Variants in ARHGEF4 observed in about 807,000 individuals in gnomAD.
ARHGEF4 encodes the protein APC-stimulated guanine nucleotide exchange factor 1.
Under a neutral mutation model 162.0 loss-of-function variants are expected in ARHGEF4, and 119 were observed. The observed-to-expected ratio is 0.73, with a 90% CI of 0.63 to 0.86. The LOEUF is 0.86. ARHGEF4 is among the 40% of genes least tolerant of loss of function. The pLI, the probability that ARHGEF4 is intolerant of heterozygous loss-of-function variation, is 0.00. For missense variants in ARHGEF4, 2,488 were observed against 2,456.0 expected, an observed-to-expected ratio of 1.01 and a Z score of -0.28; for synonymous variants, 1,014 against 979.9, an observed-to-expected ratio of 1.03 and a Z score of -0.65.
intron 1 of ARHGEF4, among the ~76,000 whole-genome samples, chr2:130,872,889 G>T (rs1678581846): frequency 6.6e-6 from 1 of 152,182 alleles, no homozygotes; most frequent in Admixed American, 6.5e-5. Flanking sequence ...CCTGAGCCCT[G>T]CCTGCAGCTG....
intron 1 of ARHGEF4, among the ~76,000 whole-genome samples, chr2:130,840,048 TG>T (rs1252283858): frequency 6.6e-6 from 1 of 152,086 alleles, no homozygotes; most frequent in African/African-American, 2.4e-5. Flanking sequence ...CTGTGCCCCA[TG>T]ACAGGGAAGC....
chr2:130,854,605 G>C (rs1681629000), intron 1 of ARHGEF4, among the ~76,000 whole-genome samples: 1 of 152,188 alleles, frequency 6.6e-6, no homozygotes, highest in Non-Finnish European at 1.5e-5. Flanking sequence ...TAGGGTGGAG[G>C]CCTGCTCCAA....
At chr2:131,039,674 C>G in intron 6 of ARHGEF4, 2 of 1,217,654 alleles carry the variant, frequency 1.6e-6, no homozygotes, top group Non-Finnish European at 2.0e-6. Context: ...GGCGCGCCAC[C>G]CATCCCCCTG....
intron 4 of ARHGEF4, among the ~76,000 whole-genome samples, chr2:130,991,778 C>G (rs571078218): frequency 6.6e-5 from 10 of 152,368 alleles, no homozygotes; most frequent in African/African-American, 1.9e-4. Context: ...AGCGCCACCC[C>G]GTGCTCCACA....
At chr2:130,921,535 T>C (rs1559041414) in intron 2 of ARHGEF4, among the ~76,000 whole-genome samples, 1 of 152,208 alleles carries the variant, frequency 6.6e-6, no homozygotes, top group African/African-American at 2.4e-5. Flanking sequence ...TGCATCAAAT[T>C]ACACTCTCTC....
intron 3 of ARHGEF4, among the ~76,000 whole-genome samples, chr2:130,934,673 C>T (rs1440392656): frequency 6.6e-6 from 1 of 152,054 alleles, no homozygotes; most frequent in Non-Finnish European, 1.5e-5. Context: ...CTCCTGAGTA[C>T]CTGGGACTCC....
At chr2:130,969,857 T>C (rs2105216670) in intron 4 of ARHGEF4, among the ~76,000 whole-genome samples, 1 of 152,310 alleles carries the variant, frequency 6.6e-6, no homozygotes, top group Middle Eastern at 3.4e-3. Context: ...GGGATTTGTC[T>C]CTTCCATGAT....
intron 1 of ARHGEF4, among the ~76,000 whole-genome samples, chr2:130,905,838 A>T (rs1178010658): frequency 6.6e-6 from 1 of 152,248 alleles, no homozygotes; most frequent in Non-Finnish European, 1.5e-5. Context: ...TGTACAGGAA[A>T]TATCATAGTG....
chr2:130,893,593 T>A (rs1372187352), intron 1 of ARHGEF4, among the ~76,000 whole-genome samples: 1 of 152,166 alleles, frequency 6.6e-6, no homozygotes, highest in East Asian at 1.9e-4. Flanking sequence ...TGAGGTGGTC[T>A]GAGCTGCTCC....
Position 130,946,622 on chromosome 2 carries a change from C to G in ARHGEF4, c.3972C>G (p.His1324Gln), listed in dbSNP as rs760006336. 6.2e-7 allele frequency: 1 copy of G among 1,614,062 alleles called. No homozygotes were observed. The highest frequency in any genetic ancestry group is 1.6e-4 in the Middle Eastern group (1 of 6,062). The change falls in exon 4 of 14, where the codon CAC becomes CAG. Residue 1324 changes from histidine to glutamine, a missense_variant. Physicochemically the swap from His to Gln is conservative, Grantham distance 24 (BLOSUM62 0). This residue lies in a region of ARHGEF4 where 1,642 missense variants were observed against 1,481.5 expected (regional missense o/e 1.11). Coordinates refer to ENST00000409359, the MANE Select transcript of ARHGEF4 (RefSeq NM_001367493.1). ...TGAACCACATGGGCTGGCCAGAGCA[C>G]ACACCAGGCACTGGTGAGTTACGCG... ...TGLNHMGWPE[H>Q]TPGTAMPDGA...
intron 1 of ARHGEF4, among the ~76,000 whole-genome samples, chr2:130,888,716 A>C (rs1011408679): frequency 6.6e-6 from 1 of 152,142 alleles, no homozygotes; most frequent in Non-Finnish European, 1.5e-5. Context: ...TTTCTAGCTT[A>C]ACTGCATTGG....
chr2:130,962,418 T>G (rs1684681687), intron 4 of ARHGEF4, among the ~76,000 whole-genome samples: 1 of 152,078 alleles, frequency 6.6e-6, no homozygotes, highest in Non-Finnish European at 1.5e-5. Flanking sequence ...ACCTTAAGCA[T>G]GTATGGAGCT....
intron 1 of ARHGEF4, among the ~76,000 whole-genome samples, chr2:130,905,760 CTAGT>C (rs1680776873): frequency 6.6e-6 from 1 of 152,218 alleles, no homozygotes; most frequent in African/African-American, 2.4e-5. Flanking sequence ...CTTTTTATCA[CTAGT>C]TATTTTATTA....
intron 1 of ARHGEF4, among the ~76,000 whole-genome samples, chr2:130,912,487 G>A (rs2105047931): frequency 6.6e-6 from 1 of 152,362 alleles, no homozygotes; most frequent in African/African-American, 2.4e-5. Context: ...CACCTTAAGA[G>A]CACTGGCTTT....
intron 4 of ARHGEF4, among the ~76,000 whole-genome samples, chr2:130,971,405 A>C (rs1685358827): frequency 6.6e-6 from 1 of 152,202 alleles, no homozygotes; most frequent in Admixed American, 6.5e-5. Flanking sequence ...TCACGCCTGT[A>C]ATCCCAGCCT....
chr2:130,976,706 G>A (rs1287022269), intron 4 of ARHGEF4, among the ~76,000 whole-genome samples: 3 of 152,150 alleles, frequency 2.0e-5, no homozygotes, highest in African/African-American at 7.2e-5. Flanking sequence ...AAAAGGTGGG[G>A]TCTCAGACTG....
chr2:130,866,354 A>C (rs1317745639), intron 1 of ARHGEF4, among the ~76,000 whole-genome samples: 3 of 152,204 alleles, frequency 2.0e-5, no homozygotes, highest in Admixed American at 6.5e-5. Context: ...ACTGCACTCC[A>C]GCCTGGGTGA....
At chr2:131,030,853 A>G (rs9287438) in intron 5 of ARHGEF4, among the ~76,000 whole-genome samples, 127,800 of 152,196 alleles carry the variant, frequency 0.84, 56,301 homozygotes, top group Non-Finnish European at 0.97. Flanking sequence ...GAGCCGCCAG[A>G]AGCATTAAGT....
At chr2:130,939,425 C>T (rs1485966395) in intron 3 of ARHGEF4, among the ~76,000 whole-genome samples, 3 of 152,208 alleles carry the variant, frequency 2.0e-5, no homozygotes, top group Admixed American at 2.0e-4. Context: ...TCTAGGCTCT[C>T]TGTTTGGTAC....
Sources: gnomAD v4.1 joint callset for allele counts (sites outside exome capture counted in the v4.1 genomes callset) on GRCh38, gnomAD v4.1.1 for gene constraint, gnomAD v4.1.1 regional missense constraint, MANE v1.5 for transcripts, NCBI Gene and HGNC (gene_info 2026-07-23, HGNC 2026-07-21) for gene names.